The following ABCC4 variants were observed in gnomAD, a reference collection of about 807,000 sequenced individuals.
The protein encoded by ABCC4 is ATP binding cassette subfamily C member 4 (PEL blood group).
A neutral mutation model predicts 168.5 loss-of-function variants in ABCC4; 102 were observed. The ratio of observed to expected loss-of-function variants is 0.61; its 90% CI spans 0.52 to 0.71. The LOEUF is 0.71. ABCC4 is among the 30% of genes least tolerant of loss of function. The pLI, the probability that ABCC4 is intolerant of heterozygous loss-of-function variation, is 0.00. For synonymous variants in ABCC4, 617 were observed against 590.7 expected, an observed-to-expected ratio of 1.04 and a Z score of -0.65; for missense variants, 1,402 against 1,605.8, an observed-to-expected ratio of 0.87 and a Z score of 2.17.
intron 30 of ABCC4, among the ~76,000 whole-genome samples, chr13:95,025,259 ACACC>A (rs1566351170): frequency 1.3e-4 from 3 of 22,856 alleles, no homozygotes; most frequent in African/African-American, 2.7e-4. Context: ...ACACACACAC[ACACC>A]CCCACACCCC....
chr13:95,068,391 C>T (rs1258239639), intron 25 of ABCC4, among the ~76,000 whole-genome samples: 3 of 152,110 alleles, frequency 2.0e-5, no homozygotes, highest in Non-Finnish European at 2.9e-5. Context: ...TTTGGGAGGT[C>T]GAGGCAGGTG....
intron 25 of ABCC4, among the ~76,000 whole-genome samples, chr13:95,063,395 G>C (rs1293526752): frequency 2.6e-5 from 4 of 151,966 alleles, no homozygotes; most frequent in African/African-American, 7.3e-5. Context: ...TTTTTCTAGA[G>C]TTCTATTATT....
At chr13:95,062,053 G>A (rs1219410222) in intron 26 of ABCC4, among the ~76,000 whole-genome samples, 1 of 152,140 alleles carries the variant, frequency 6.6e-6, no homozygotes, top group Non-Finnish European at 1.5e-5. Context: ...CACCATCAGA[G>A]CAAACACTCA....
At chr13:95,293,790 T>C (rs2041460851) in intron 1 of ABCC4, among the ~76,000 whole-genome samples, 1 of 150,668 alleles carries the variant, frequency 6.6e-6, no homozygotes, top group African/African-American at 2.4e-5. Flanking sequence ...TTTGCTTTTT[T>C]TTTTTTTTGA....
intron 9 of ABCC4, 102 bp from the exon 10 acceptor site, chr13:95,188,644 A>G (rs2038149120): frequency 1.1e-6 from 1 of 879,912 alleles, no homozygotes; most frequent in South Asian, 1.7e-5. Flanking sequence ...ACATGAACAT[A>G]ACCCAAATCT....
At chr13:95,088,048 G>A (rs910043462) in intron 20 of ABCC4, among the ~76,000 whole-genome samples, 3 of 152,082 alleles carry the variant, frequency 2.0e-5, no homozygotes, top group African/African-American at 7.2e-5. Flanking sequence ...GACATCCAGC[G>A]CTGGTACCTG....
chr13:95,206,570 T>G lies in ABCC4; in HGVS notation c.1123A>C (p.Arg375=). The G allele has an allele frequency of 2.5e-6, 4 of 1,614,038 alleles. No individual in the cohort carries two copies. The East Asian group carries it at 8.9e-5, about 36-fold the overall frequency. ...VTLFFPSAIE[R]VSEAIVSIRR... is the part of the protein sequence containing the mutation. ...ATGCTGACGATTGCCTCTGACACCC[T>G]CTCAATGGCTGAGGGGAAGAAGAGG... Residue 375 remains arginine (R), a synonymous_variant, in exon 8 of 31, where the codon AGG becomes CGG. Transcript: ENST00000645237.
chr13:95,280,132 G>A (rs573118290), intron 1 of ABCC4, among the ~76,000 whole-genome samples: 1 of 152,256 alleles, frequency 6.6e-6, no homozygotes, highest in Non-Finnish European at 1.5e-5. Context: ...CTATCCAAGA[G>A]AAGTAGCATT....
At chr13:95,234,255 A>T (rs1461667605) in intron 4 of ABCC4, among the ~76,000 whole-genome samples, 1 of 152,216 alleles carries the variant, frequency 6.6e-6, no homozygotes, top group Non-Finnish European at 1.5e-5. Flanking sequence ...AACACTGAAA[A>T]CCAATTTGAT....
chr13:95,084,452 A>G (rs1301858620), intron 20 of ABCC4, among the ~76,000 whole-genome samples: 2 of 152,226 alleles, frequency 1.3e-5, no homozygotes, highest in East Asian at 1.9e-4. Flanking sequence ...AACATGCCCA[A>G]TAAAGAATAG....
intron 24 of ABCC4, among the ~76,000 whole-genome samples, chr13:95,072,675 A>T (rs929606553): frequency 1.3e-5 from 2 of 152,296 alleles, no homozygotes; most frequent in South Asian, 4.1e-4. Context: ...TACCACCATA[A>T]ACTAATACCC....
At chr13:95,282,966 C>G (rs902533125) in intron 1 of ABCC4, among the ~76,000 whole-genome samples, 2 of 151,880 alleles carry the variant, frequency 1.3e-5, no homozygotes. Flanking sequence ...AGCCTGTATC[C>G]CAGCACTTTG....
intron 13 of ABCC4, among the ~76,000 whole-genome samples, chr13:95,172,459 T>C (rs1222864354): frequency 6.6e-6 from 1 of 151,588 alleles, no homozygotes; most frequent in African/African-American, 2.4e-5. Flanking sequence ...TAATCCCAGC[T>C]ACTCGGCTGG....
intron 19 of ABCC4, 60 bp downstream of exon 19, chr13:95,161,129 C>T: frequency 7.7e-7 from 1 of 1,292,874 alleles, no homozygotes; most frequent in Non-Finnish European, 1.0e-6. Context: ...GAAATGTAAT[C>T]AGATCCTAAA....
At chr13:95,253,982 TC>T (rs2040332521) in intron 1 of ABCC4, among the ~76,000 whole-genome samples, 1 of 152,026 alleles carries the variant, frequency 6.6e-6, no homozygotes, top group African/African-American at 2.4e-5. Context: ...AGCCTCAACC[TC>T]CCAGGCCCAA....
At chr13:95,221,905 C>T (rs2039320330) in intron 4 of ABCC4, among the ~76,000 whole-genome samples, 1 of 152,222 alleles carries the variant, frequency 6.6e-6, no homozygotes, top group South Asian at 2.1e-4. Context: ...CGTCCAGCCT[C>T]CCTCTCCACA....
At chr13:95,187,710 G>A (rs970319121) in intron 10 of ABCC4, among the ~76,000 whole-genome samples, 10 of 152,074 alleles carry the variant, frequency 6.6e-5, no homozygotes, top group African/African-American at 1.9e-4. Flanking sequence ...CCCAAGAATC[G>A]TGTCTCTGAA....
chr13:95,122,115 A>C (rs1481011165), intron 19 of ABCC4, among the ~76,000 whole-genome samples: 4 of 152,180 alleles, frequency 2.6e-5, no homozygotes, highest in African/African-American at 9.7e-5. Flanking sequence ...CCTTTGCTTC[A>C]TCTTATTTTT....
At chr13:95,261,521 T>A (rs1289316744) in intron 1 of ABCC4, among the ~76,000 whole-genome samples, 1 of 152,070 alleles carries the variant, frequency 6.6e-6, no homozygotes, top group South Asian at 2.1e-4. Flanking sequence ...GCTCTTCTTA[T>A]CCACAAAACA....
Sources: gnomAD v4.1 joint callset for allele counts (sites outside exome capture counted in the v4.1 genomes callset) on GRCh38, gnomAD v4.1.1 for gene constraint, MANE v1.5 for transcripts, NCBI Gene and HGNC (gene_info 2026-07-23, HGNC 2026-07-21) for gene names.